Variants in MGLL observed in about 807,000 individuals in gnomAD.
MGLL encodes monoglyceride lipase, also known as lysophospholipase homolog.
MGLL carries 7 observed loss-of-function variants against 29.1 expected under a neutral mutation model. The ratio of observed to expected loss-of-function variants is 0.24; its 90% CI spans 0.14 to 0.45. The LOEUF is 0.45. Among genes scored for constraint, MGLL ranks in the 20% least tolerant of loss-of-function variants. The pLI is 0.99. For missense variants in MGLL, 356 were observed against 413.6 expected (o/e 0.86, Z 1.21); for synonymous variants, 148 against 168.3 (o/e 0.88, Z 0.93).
At chr3:127,772,524 A>C (rs2076967273) in intron 3 of MGLL, among the ~76,000 whole-genome samples, 1 of 152,216 alleles carries the variant, frequency 6.6e-6, no homozygotes, top group Non-Finnish European at 1.5e-5. Flanking sequence ...CCGCATGCAA[A>C]GCATTCCCAC....
chr3:127,726,000 G>A, intron 3 of MGLL, among the ~76,000 whole-genome samples: 1 of 151,572 alleles, frequency 6.6e-6, no homozygotes, highest in Non-Finnish European at 1.5e-5. Context: ...ATGAGGTTGG[G>A]GCCGCAGTGA....
At chr3:127,749,368 C>T (rs2076512918) in intron 3 of MGLL, among the ~76,000 whole-genome samples, 1 of 152,196 alleles carries the variant, frequency 6.6e-6, no homozygotes, top group Non-Finnish European at 1.5e-5. Flanking sequence ...AAACAAACAC[C>T]ATTTTCTGAT....
intron 5 of MGLL, among the ~76,000 whole-genome samples, chr3:127,719,754 CTG>C (rs1291420165): frequency 6.6e-6 from 1 of 152,198 alleles, no homozygotes; most frequent in Non-Finnish European, 1.5e-5. Context: ...CTCGATCACT[CTG>C]TGACAGAACC....
intron 3 of MGLL, 124 bp from the exon 4 acceptor site, chr3:127,722,690 C>G (rs949872771): frequency 9.2e-6 from 12 of 1,303,466 alleles, no homozygotes; most frequent in African/African-American, 2.9e-5. Context: ...CTCATTTAAC[C>G]CTTTCCAGCC....
rs141947789 is a variant in MGLL, at chr3:127,692,266, C to T, written c.874G>A (p.Val292Ile). Reference sequence around the variant, plus strand: ...ACCCACATGTTTATTTCATGGAAGACGGAGTTGGTGACTTCAGGAAGCTCC... The same window carrying T: ...ACCCACATGTTTATTTCATGGAAGATGGAGTTGGTGACTTCAGGAAGCTCC... ...HKELPEVTNS[V>I]FHEINMWVSQ... The change falls in exon 8 of 8, where the codon GTC becomes ATC. Residue 292 changes from valine to isoleucine, a missense_variant. By Grantham distance (29) the Val-to-Ile change is conservative. Coordinates refer to ENST00000265052, the MANE Select transcript of MGLL (RefSeq NM_007283.7). 8 of 1,613,994 alleles carry T rather than the reference C, an allele frequency of 5.0e-6. No homozygotes were observed. Among genetic ancestry groups the T allele is most frequent in the African/African-American group, 1.3e-5 (1 of 75,024 alleles).
chr3:127,804,443 A>T lies in MGLL; in HGVS notation c.155+17251T>A, dbSNP rs142292968. On this transcript the variant is annotated intron_variant, in intron 2 of 7. Transcript: ENST00000265052. ...AGTGACTCCCTGAGTAGGACTCCCC[A>T]CTCCTGCCATGGCCACCTACAGGGG... Among the ~76,000 whole-genome samples the T allele has an allele frequency of 4.1e-3, 627 of 152,050 alleles. 7 individuals are homozygous for T. Among genetic ancestry groups the T allele is most frequent in the African/African-American group, 0.015 (604 of 41,480 alleles).
At chr3:127,762,678 T>G (rs755646980) in intron 3 of MGLL, among the ~76,000 whole-genome samples, 3 of 152,334 alleles carry the variant, frequency 2.0e-5, no homozygotes, top group Non-Finnish European at 4.4e-5. Context: ...GCAGGTTCCT[T>G]GCAGCCCACT....
At chr3:127,710,943 C>A in intron 5 of MGLL, 3 of 479,924 alleles carry the variant, frequency 6.3e-6, no homozygotes, top group South Asian at 4.0e-5. Context: ...CCGCTCTATA[C>A]CCTCCCCATG....
At chr3:127,820,695 T>C (rs2077843500) in intron 2 of MGLL, among the ~76,000 whole-genome samples, 1 of 152,194 alleles carries the variant, frequency 6.6e-6, no homozygotes, top group Non-Finnish European at 1.5e-5. Context: ...ACACATTCTT[T>C]AAGAAATGTA....
At chr3:127,764,826 T>C (rs2076828316) in intron 3 of MGLL, among the ~76,000 whole-genome samples, 1 of 152,192 alleles carries the variant, frequency 6.6e-6, no homozygotes, top group Non-Finnish European at 1.5e-5. Flanking sequence ...CCAATATTTA[T>C]GGAGTACTCT....
intron 2 of MGLL, among the ~76,000 whole-genome samples, chr3:127,804,884 G>C (rs1416642015): frequency 6.6e-6 from 1 of 152,190 alleles, no homozygotes; most frequent in Non-Finnish European, 1.5e-5. Context: ...CAAAGGACAA[G>C]GCCACCAGCA....
intron 3 of MGLL, among the ~76,000 whole-genome samples, chr3:127,748,559 T>C (rs985757190): frequency 2.6e-5 from 4 of 151,614 alleles, no homozygotes; most frequent in Non-Finnish European, 4.4e-5. Flanking sequence ...GGTAATGAAG[T>C]TAATATGGGT....
intron 2 of MGLL, among the ~76,000 whole-genome samples, chr3:127,812,656 G>A (rs1317072557): frequency 5.3e-5 from 8 of 152,182 alleles, no homozygotes; most frequent in Admixed American, 3.9e-4. Flanking sequence ...GCACAGGTCC[G>A]CAGAGTCCCC....
intron 5 of MGLL, chr3:127,712,459 A>G (rs939976119): frequency 2.0e-5 from 3 of 152,252 alleles, no homozygotes; most frequent in African/African-American, 7.2e-5. Context: ...GCATGAACCT[A>G]TTCGGAGTTC....
At chr3:127,702,896 T>A (rs967745153) in intron 6 of MGLL, among the ~76,000 whole-genome samples, 2 of 152,202 alleles carry the variant, frequency 1.3e-5, no homozygotes, top group East Asian at 1.9e-4. Flanking sequence ...GGTTTCACCA[T>A]GTTGGCCAGG....
At chr3:127,744,766 G>A (rs1009779471) in intron 3 of MGLL, among the ~76,000 whole-genome samples, 2 of 152,228 alleles carry the variant, frequency 1.3e-5, no homozygotes, top group Admixed American at 6.5e-5. Context: ...CGCCGGACAC[G>A]GTTTAATAGG....
At chr3:127,822,253 G>A in intron 1 of MGLL, 56 bp downstream of exon 1, 1 of 1,564,334 alleles carries the variant, frequency 6.4e-7, no homozygotes. Flanking sequence ...CAATAATGAG[G>A]TGGATGATAC....
intron 2 of MGLL, among the ~76,000 whole-genome samples, chr3:127,793,420 C>G (rs1428214065): frequency 6.6e-6 from 1 of 152,226 alleles, no homozygotes; most frequent in Non-Finnish European, 1.5e-5. Flanking sequence ...TTTTGAGAGC[C>G]TATGGGCCAG....
chr3:127,806,071 C>T (rs1359040037), intron 2 of MGLL, among the ~76,000 whole-genome samples: 1 of 152,212 alleles, frequency 6.6e-6, no homozygotes, highest in Non-Finnish European at 1.5e-5. Context: ...TGACAATGCC[C>T]ATCTTTGTTC....
Sources: allele counts gnomAD v4.1 joint callset (sites outside exome capture counted in the v4.1 genomes callset), GRCh38; gene constraint gnomAD v4.1.1; transcripts MANE v1.5; gene names NCBI Gene and HGNC (gene_info 2026-07-23, HGNC 2026-07-21).